The following ADGRB3 variants were observed in gnomAD, a reference collection of about 807,000 sequenced individuals.
ADGRB3 encodes the protein brain-specific angiogenesis inhibitor 3.
In ADGRB3, 37 loss-of-function variants were observed where a neutral mutation model predicts 193.4. The ratio of observed to expected loss-of-function variants is 0.19; its 90% CI spans 0.15 to 0.25. The LOEUF (loss-of-function observed/expected upper bound fraction) is 0.25, where lower values mean the gene tolerates loss of function less well. Ranked by LOEUF, ADGRB3 falls within the 10% of genes least tolerant of loss-of-function variation. The pLI is 1.00. For synonymous variants in ADGRB3, 690 were observed against 644.2 expected, an observed-to-expected ratio of 1.07 and a Z score of -1.08; for missense variants, 1,637 against 1,852.9, an observed-to-expected ratio of 0.88 and a Z score of 2.14.
chr6:68,730,447 A>T (rs371247487), intron 3 of ADGRB3, among the ~76,000 whole-genome samples: 1 of 151,718 alleles, frequency 6.6e-6, no homozygotes, highest in African/African-American at 2.4e-5. Context: ...AATCCAGGAA[A>T]CATCTAATAA....
intron 3 of ADGRB3, among the ~76,000 whole-genome samples, chr6:68,658,332 C>T (rs982170903): frequency 1.3e-5 from 2 of 151,082 alleles, no homozygotes. Context: ...TTAGCTTATC[C>T]CATGTTTTGT....
chr6:69,261,505 T>C (rs1377502137), intron 20 of ADGRB3, among the ~76,000 whole-genome samples: 1 of 152,134 alleles, frequency 6.6e-6, no homozygotes, highest in Non-Finnish European at 1.5e-5. Flanking sequence ...ATTTCATCTA[T>C]TTGAAAATTG....
chr6:69,257,632 T>G (rs1766811129), intron 20 of ADGRB3, among the ~76,000 whole-genome samples: 1 of 152,200 alleles, frequency 6.6e-6, no homozygotes, highest in Non-Finnish European at 1.5e-5. Flanking sequence ...TAAGAACAAT[T>G]GGAAAAAAAT....
chr6:68,666,006 A>G (rs927749772), intron 3 of ADGRB3, among the ~76,000 whole-genome samples: 5 of 151,846 alleles, frequency 3.3e-5, no homozygotes, highest in Admixed American at 3.3e-4. Context: ...ACATTTAACT[A>G]TTTTGGTGTG....
At chr6:68,871,820 T>A (rs2150220122) in intron 3 of ADGRB3, among the ~76,000 whole-genome samples, 1 of 152,146 alleles carries the variant, frequency 6.6e-6, no homozygotes, top group East Asian at 1.9e-4. Flanking sequence ...TAATTTATTA[T>A]CCTCTAATCA....
intron 17 of ADGRB3, among the ~76,000 whole-genome samples, chr6:69,102,002 C>T (rs545680679): frequency 1.3e-5 from 2 of 151,976 alleles, no homozygotes; most frequent in African/African-American, 4.8e-5. Flanking sequence ...ACGGTGAAAC[C>T]CCATCTCTAC....
intron 17 of ADGRB3, among the ~76,000 whole-genome samples, chr6:69,119,191 T>C (rs1035053551): frequency 2.0e-5 from 3 of 152,204 alleles, no homozygotes; most frequent in African/African-American, 7.2e-5. Context: ...AAAGTTATTT[T>C]AGGGAGAGTA....
intron 13 of ADGRB3, among the ~76,000 whole-genome samples, chr6:69,020,708 C>A (rs1196468182): frequency 6.6e-6 from 1 of 151,894 alleles, no homozygotes; most frequent in Non-Finnish European, 1.5e-5. Context: ...AGTAAAAATT[C>A]TAAACATTAT....
intron 3 of ADGRB3, among the ~76,000 whole-genome samples, chr6:68,897,957 T>A (rs1402945193): frequency 1.4e-5 from 2 of 147,378 alleles, no homozygotes; most frequent in African/African-American, 4.9e-5. Context: ...ATATATATAA[T>A]ATAATAATAA....
chr6:69,155,460 C>T lies in ADGRB3; in HGVS notation c.2481-77830C>T, dbSNP rs113792957. 3.4e-3 allele frequency among the ~76,000 whole-genome samples: 520 copies of T among 152,224 alleles called. 2 individuals carry two copies. The highest frequency in any genetic ancestry group is 0.014 in the Middle Eastern group (4 of 294). On this transcript the variant is annotated intron_variant, in intron 17 of 31. Coordinates refer to ENST00000370598, the MANE Select transcript of ADGRB3 (RefSeq NM_001704.3). The stretch of plus-strand genomic sequence containing the variant: ...GAAAATACAAAATTCAACATTATGC[C>T]ATCATGTACCACAGGGAATACCTTT...
chr6:69,356,004 C>A, intron 28 of ADGRB3, 144 bp downstream of exon 28: 1 of 611,562 alleles, frequency 1.6e-6, no homozygotes, highest in Non-Finnish European at 2.7e-6. Flanking sequence ...CCCCAAATGC[C>A]AAAGGAGCTG....
chr6:68,729,210 G>A (rs1419331476), intron 3 of ADGRB3, among the ~76,000 whole-genome samples: 1 of 151,564 alleles, frequency 6.6e-6, no homozygotes, highest in East Asian at 2.0e-4. Context: ...TTAGATGGTA[G>A]AGCTACTGTG....
chr6:69,221,448 G>C (rs903110512), intron 17 of ADGRB3, among the ~76,000 whole-genome samples: 6 of 152,134 alleles, frequency 3.9e-5, no homozygotes, highest in Non-Finnish European at 8.8e-5. Context: ...AAAACAGTGA[G>C]TAGTCTGGCA....
rs546516545 is a variant in ADGRB3 at position 69,155,151 on chromosome 6, G to A, written c.2481-78139G>A. 2.7e-4 allele frequency among the ~76,000 whole-genome samples: 41 copies of A among 152,240 alleles called. No individual in the cohort carries two copies. In the South Asian group the frequency reaches 7.5e-3, roughly 28 times the overall value. ...AATTCTCATACAGCTATTAACCTAA[G>A]GTGACAAATTGCCTCATATGGAGAG... is the stretch of plus-strand genomic sequence containing the variant. On this transcript the variant is annotated intron_variant, in intron 17 of 31. Coordinates refer to ENST00000370598, the MANE Select transcript of ADGRB3 (RefSeq NM_001704.3).
intron 17 of ADGRB3, among the ~76,000 whole-genome samples, chr6:69,189,888 C>A (rs765626124): frequency 1.3e-5 from 2 of 152,104 alleles, no homozygotes; most frequent in Admixed American, 6.5e-5. Context: ...ACTACATATA[C>A]AATGGTGGCC....
chr6:68,786,423 TTTC>T (rs1766971749), intron 3 of ADGRB3, among the ~76,000 whole-genome samples: 1 of 152,198 alleles, frequency 6.6e-6, no homozygotes, highest in Non-Finnish European at 1.5e-5. Context: ...CCTTTCCCCA[TTTC>T]TTGTTTTTGT....
chr6:69,100,989 A>AGGGAG (rs1773038859), intron 17 of ADGRB3, among the ~76,000 whole-genome samples: 1 of 120,656 alleles, frequency 8.3e-6, no homozygotes, highest in Non-Finnish European at 1.8e-5. Flanking sequence ...GAAGGAAGGA[A>AGGGAG]GGAAGGAAGG....
At chr6:68,918,112 T>C (rs1766932892) in intron 3 of ADGRB3, among the ~76,000 whole-genome samples, 1 of 152,112 alleles carries the variant, frequency 6.6e-6, no homozygotes, top group Admixed American at 6.5e-5. Context: ...TAAAACACAA[T>C]GGAAAACATT....
chr6:69,340,414 A>T (rs1376832631), intron 26 of ADGRB3, among the ~76,000 whole-genome samples: 1 of 152,170 alleles, frequency 6.6e-6, no homozygotes, highest in Non-Finnish European at 1.5e-5. Context: ...ACATAGTGCC[A>T]TGCTAGTCAC....
Sources: allele counts gnomAD v4.1 joint callset (sites outside exome capture counted in the v4.1 genomes callset), GRCh38; gene constraint gnomAD v4.1.1; transcripts MANE v1.5; gene names NCBI Gene and HGNC (gene_info 2026-07-23, HGNC 2026-07-21).